The following MRPL1 variants were observed in gnomAD, a reference collection of about 807,000 sequenced individuals.
MRPL1 encodes the protein mitochondrial ribosomal protein L1.
MRPL1 carries 28 observed loss-of-function variants against 38.0 expected under a neutral mutation model. That is an observed-to-expected ratio of 0.74 (90% confidence interval 0.55 to 1.01). The LOEUF (loss-of-function observed/expected upper bound fraction) is 1.01, where lower values mean the gene tolerates loss of function less well. Ranked by LOEUF, MRPL1 falls within the 50% of genes least tolerant of loss-of-function variation. The pLI is 0.00. For missense variants in MRPL1, 358 were observed against 389.8 expected (o/e 0.92, Z 0.69); for synonymous variants, 123 against 126.7 (o/e 0.97, Z 0.20).
At chr4:77,863,406 T>G (rs1024859494) in intron 1 of MRPL1, among the ~76,000 whole-genome samples, 1 of 152,016 alleles carries the variant, frequency 6.6e-6, no homozygotes, top group Non-Finnish European at 1.5e-5. Flanking sequence ...GCGCCTCTTT[T>G]CATCTTAATA....
At chr4:77,927,279 A>G (rs1043750200) in intron 7 of MRPL1, among the ~76,000 whole-genome samples, 3 of 152,144 alleles carry the variant, frequency 2.0e-5, no homozygotes, top group Non-Finnish European at 4.4e-5. Context: ...ATAATTAACA[A>G]ATTGTTGTTT....
At position 77,887,310 on chromosome 4, in the gene MRPL1, G is replaced by T. The variant is rs773182124; in HGVS notation, c.558+19G>T. 2.5e-6 allele frequency: 4 copies of T among 1,574,276 alleles called. No homozygotes were observed. The highest frequency in any genetic ancestry group is 3.5e-6 in the Non-Finnish European group (4 of 1,143,760). ...ACAGAAGGTACAGTGTTGTTTTCAT[G>T]TTCATTAAGTATAGAGATGATTCTG... On this transcript the variant is annotated intron_variant, in intron 5 of 8. Coordinates refer to ENST00000315567, the MANE Select transcript of MRPL1 (RefSeq NM_020236.4).
chr4:77,902,279 T>C (rs1439443217), intron 6 of MRPL1, among the ~76,000 whole-genome samples: 1 of 151,304 alleles, frequency 6.6e-6, no homozygotes, highest in East Asian at 2.0e-4. Context: ...GAGACTGAGA[T>C]GGGAGGATCC....
At position 77,885,577 on chromosome 4, in the gene MRPL1, G is replaced by T. The variant is rs541203160; in HGVS notation, c.486+238G>T. On this transcript the variant is annotated intron_variant, in intron 4 of 8. Coordinates refer to ENST00000315567, the MANE Select transcript of MRPL1 (RefSeq NM_020236.4). ...AGACAGGTTTTCACCATGTTGGCCG[G>T]GGTAGTCTTGATCTCTTGACCTTGT... 1.8e-4 allele frequency among the ~76,000 whole-genome samples: 28 copies of T among 152,238 alleles called. No individual in the cohort carries two copies. The South Asian group carries it at 5.8e-3, about 32-fold the overall frequency.
At chr4:77,926,436 T>C (rs1477073425) in intron 7 of MRPL1, among the ~76,000 whole-genome samples, 3 of 152,172 alleles carry the variant, frequency 2.0e-5, no homozygotes, top group Non-Finnish European at 4.4e-5. Context: ...AAGGATCTAA[T>C]GATAGTAAGG....
At chr4:77,889,552 TA>T (rs988506809) in intron 5 of MRPL1, among the ~76,000 whole-genome samples, 3 of 152,068 alleles carry the variant, frequency 2.0e-5, no homozygotes, top group African/African-American at 7.2e-5. Context: ...ATTGGCACCC[TA>T]ACATCACAAT....
chr4:77,877,532 C>A (rs1735426656), intron 2 of MRPL1, among the ~76,000 whole-genome samples: 2 of 149,322 alleles, frequency 1.3e-5, no homozygotes, highest in South Asian at 4.2e-4. Flanking sequence ...GTGGGTCACT[C>A]TTTTGCACCC....
intron 7 of MRPL1, among the ~76,000 whole-genome samples, chr4:77,910,959 C>A (rs1404888994): frequency 1.3e-5 from 2 of 152,112 alleles, no homozygotes; most frequent in Non-Finnish European, 2.9e-5. Flanking sequence ...AATTGAAAAA[C>A]CAAACAAATG....
intron 2 of MRPL1, among the ~76,000 whole-genome samples, chr4:77,879,999 G>A (rs1292173858): frequency 1.3e-5 from 2 of 152,018 alleles, no homozygotes; most frequent in Non-Finnish European, 2.9e-5. Flanking sequence ...TGGTTTTTGA[G>A]GTCTTTTTTA....
intron 5 of MRPL1, among the ~76,000 whole-genome samples, chr4:77,888,913 T>C (rs1735744642): frequency 6.6e-6 from 1 of 152,066 alleles, no homozygotes; most frequent in Non-Finnish European, 1.5e-5. Context: ...ACCCTGTCAA[T>C]TCAACAAGAA....
intron 6 of MRPL1, among the ~76,000 whole-genome samples, chr4:77,907,527 CCT>C (rs374380235): frequency 1.1e-3 from 145 of 135,916 alleles, no homozygotes; most frequent in Non-Finnish European, 1.1e-3. Flanking sequence ...TTCCTCCTTC[CCT>C]CTCTCTCTCT....
At chr4:77,925,649 T>C (rs1452602581) in intron 7 of MRPL1, among the ~76,000 whole-genome samples, 1 of 151,830 alleles carries the variant, frequency 6.6e-6, no homozygotes, top group Non-Finnish European at 1.5e-5. Context: ...ATATATGAGA[T>C]TTGTGAGGTT....
At chr4:77,884,407 C>T (rs1408473514) in intron 3 of MRPL1, among the ~76,000 whole-genome samples, 1 of 152,134 alleles carries the variant, frequency 6.6e-6, no homozygotes, top group East Asian at 1.9e-4. Context: ...TGCAACAAAA[C>T]TTTGGAGGGC....
At chr4:77,936,595 G>A (rs1736985937) in intron 7 of MRPL1, among the ~76,000 whole-genome samples, 2 of 152,176 alleles carry the variant, frequency 1.3e-5, no homozygotes, top group Admixed American at 6.5e-5. Context: ...GCTCATTTAT[G>A]TATTGTCTAT....
chr4:77,870,690 A>C (rs922759462), intron 1 of MRPL1, among the ~76,000 whole-genome samples: 2 of 152,224 alleles, frequency 1.3e-5, no homozygotes, highest in African/African-American at 2.4e-5. Flanking sequence ...AAGATGCATA[A>C]GGTATTGCTA....
intron 6 of MRPL1, among the ~76,000 whole-genome samples, chr4:77,901,753 A>G (rs936840948): frequency 1.4e-4 from 21 of 152,252 alleles, no homozygotes; most frequent in Non-Finnish European, 2.4e-4. Context: ...ATCATCAAGT[A>G]CAGTTGGAGA....
intron 2 of MRPL1, among the ~76,000 whole-genome samples, chr4:77,874,079 A>G (rs995275204): frequency 6.6e-6 from 1 of 151,294 alleles, no homozygotes; most frequent in African/African-American, 2.4e-5. Flanking sequence ...GCTGACTGCA[A>G]CTTCCACCTC....
At chr4:77,911,650 C>A (rs1474934982) in intron 7 of MRPL1, among the ~76,000 whole-genome samples, 1 of 151,938 alleles carries the variant, frequency 6.6e-6, no homozygotes, top group Non-Finnish European at 1.5e-5. Context: ...ATAATATGTA[C>A]CTTCTAAGCT....
chr4:77,892,059 TTTAAA>T (rs1440609583), intron 5 of MRPL1, among the ~76,000 whole-genome samples: 3 of 152,214 alleles, frequency 2.0e-5, no homozygotes, highest in Non-Finnish European at 4.4e-5. Context: ...TTCCTGTGTT[TTTAAA>T]TTAGTTTATC....
Sources: gnomAD v4.1 joint callset for allele counts (sites outside exome capture counted in the v4.1 genomes callset) on GRCh38, gnomAD v4.1.1 for gene constraint, MANE v1.5 for transcripts, NCBI Gene and HGNC (gene_info 2026-07-23, HGNC 2026-07-21) for gene names.